Variants in VWDE observed in about 807,000 individuals in gnomAD.
VWDE encodes von Willebrand factor D and EGF domains.
Under a neutral mutation model 178.4 loss-of-function variants are expected in VWDE, and 207 were observed. That is an observed-to-expected ratio of 1.16 (90% confidence interval 1.04 to 1.30). The LOEUF (loss-of-function observed/expected upper bound fraction) is 1.30, where lower values mean the gene tolerates loss of function less well. Ranked by LOEUF, VWDE falls within the 50% of genes most tolerant of loss-of-function variation. VWDE has a pLI of 0.00. For missense variants in VWDE, 2,287 were observed against 1,901.3 expected, an observed-to-expected ratio of 1.20 and a Z score of -3.77; for synonymous variants, 738 against 651.4, an observed-to-expected ratio of 1.13 and a Z score of -2.02.
At chr7:12,373,946 G>A (rs1258413377) in intron 9 of VWDE, among the ~76,000 whole-genome samples, 1 of 152,064 alleles carries the variant, frequency 6.6e-6, no homozygotes, top group Admixed American at 6.6e-5. Flanking sequence ...CACCATTGGA[G>A]TATAACTCTC....
At chr7:12,380,198 G>A (rs974306922) in intron 5 of VWDE, among the ~76,000 whole-genome samples, 1 of 151,196 alleles carries the variant, frequency 6.6e-6, no homozygotes, top group Non-Finnish European at 1.5e-5. Context: ...AAACCTGAGA[G>A]GGACATATAT....
intron 10 of VWDE, among the ~76,000 whole-genome samples, chr7:12,372,563 A>G (rs1783265603): frequency 6.6e-6 from 1 of 152,062 alleles, no homozygotes; most frequent in Non-Finnish European, 1.5e-5. Flanking sequence ...AATATTAGTG[A>G]ATATATAATC....
chr7:12,382,388 T>A (rs1268748887), intron 4 of VWDE, among the ~76,000 whole-genome samples: 4 of 151,766 alleles, frequency 2.6e-5, no homozygotes, highest in African/African-American at 9.7e-5. Context: ...TGAACTTAAA[T>A]CACAGGGCTT....
intron 19 of VWDE, among the ~76,000 whole-genome samples, chr7:12,346,751 G>A (rs891485754): frequency 1.3e-5 from 2 of 151,900 alleles, no homozygotes; most frequent in South Asian, 2.1e-4. Flanking sequence ...GATTAGATAC[G>A]TTTTTCTTGT....
chr7:12,393,367 T>TGGG (rs1784476232), intron 2 of VWDE, among the ~76,000 whole-genome samples: 1 of 152,196 alleles, frequency 6.6e-6, no homozygotes, highest in African/African-American at 2.4e-5. Context: ...TGTAAACTTT[T>TGGG]ATACAAGATA....
At chr7:12,399,207 A>G (rs992647043) in intron 1 of VWDE, among the ~76,000 whole-genome samples, 110 of 152,180 alleles carry the variant, frequency 7.2e-4, no homozygotes, top group African/African-American at 2.6e-3. Flanking sequence ...TCTGCACACA[A>G]TTAGATTGAA....
chr7:12,337,044 A>G lies in VWDE; in HGVS notation c.4502T>C (p.Val1501Ala). Residue 1501 changes from valine (V) to alanine (A), a missense_variant, in exon 26 of 29, where the codon GTG becomes GCG. Physicochemically the swap from Val to Ala is moderately conservative, Grantham distance 64. Coordinates refer to ENST00000275358, the MANE Select transcript of VWDE (RefSeq NM_001135924.3). ...AGGACAAGAGCAAGTGCTTGGTCCC[A>G]CACATTTTCCTCCATTCATGCACGT... ...DPTCMNGGKC[V>A]GPSTCSCPSG... The G allele has an allele frequency of 6.4e-7, 1 of 1,551,584 alleles. No individual in the cohort carries two copies. Among genetic ancestry groups the G allele is most frequent in the Non-Finnish European group, 8.7e-7 (1 of 1,146,904 alleles).
At position 12,403,742 on chromosome 7, in the gene VWDE, G is replaced by C. The variant is rs748362253; in HGVS notation, c.-26C>G. 5.2e-6 allele frequency: 8 copies of C among 1,549,896 alleles called. No homozygotes were observed. The highest frequency in any genetic ancestry group is 1.7e-4 in the Middle Eastern group (1 of 5,996). ...CGCTGCTTCCGCAGGTGGGGCGAAA[G>C]GCGTCGCAGAGCCCGGGCCGCGGGT... On this transcript the variant is annotated 5_prime_UTR_variant, in exon 1 of 29. Coordinates refer to ENST00000275358, the MANE Select transcript of VWDE (RefSeq NM_001135924.3).
At position 12,370,346 on chromosome 7, in the gene VWDE, T is replaced by C; in HGVS notation, c.1960A>G (p.Asn654Asp). 2 of 1,551,244 alleles carry C rather than the reference T, an allele frequency of 1.3e-6. No individual in the cohort carries two copies. The highest frequency in any genetic ancestry group is 2.4e-5 in the East Asian group (1 of 40,902). ...ATCAAAGAAGATAAGCTGACATGAT[T>C]GAGGTCTTTGCAACCCAAGGCAATT... ...SEIALGCKDL[N>D]HVSLSSLIPE... The change falls in exon 12 of 29, where the codon AAT (asparagine) becomes GAT (aspartate). Residue 654 changes from asparagine to aspartate, a missense_variant. Coordinates refer to ENST00000275358, the MANE Select transcript of VWDE (RefSeq NM_001135924.3).
intron 19 of VWDE, among the ~76,000 whole-genome samples, chr7:12,350,838 G>A (rs62451487): frequency 0.11 from 17,249 of 151,996 alleles, 1,338 homozygotes; most frequent in Non-Finnish European, 0.16. Flanking sequence ...GCCTAGTGCC[G>A]GCACATTATA....
At chr7:12,337,314 C>G in intron 24 of VWDE, 42 bp from the exon 25 acceptor site, 4 of 1,450,082 alleles carry the variant, frequency 2.8e-6, no homozygotes, top group Non-Finnish European at 3.8e-6. Context: ...ATTACACATC[C>G]CATTACTACA....
chr7:12,333,900 A>T (rs1780870509), intron 27 of VWDE, among the ~76,000 whole-genome samples: 1 of 152,164 alleles, frequency 6.6e-6, no homozygotes, highest in Non-Finnish European at 1.5e-5. Context: ...TTAACAGAAG[A>T]TAGCATCTAT....
In VWDE at chr7:12,353,013, C is replaced by T. The variant is rs114561537; in HGVS notation, c.3746-1300G>A. 3.3e-3 allele frequency among the ~76,000 whole-genome samples: 508 copies of T among 152,198 alleles called. 9 individuals carry two copies. Among genetic ancestry groups the T allele is most frequent in the African/African-American group, 0.012 (483 of 41,518 alleles). The stretch of plus-strand genomic sequence containing the variant: ...GCTTACATGGATATTCCATAGTAAC[C>T]CTAGTTTCTGTGCATCCAAACTGAA... On this transcript the variant is annotated intron_variant, in intron 18 of 28. Coordinates refer to ENST00000275358, the MANE Select transcript of VWDE (RefSeq NM_001135924.3).
At chr7:12,340,719 T>C (rs185865382) in intron 23 of VWDE, among the ~76,000 whole-genome samples, 76 of 152,324 alleles carry the variant, frequency 5.0e-4, no homozygotes, top group East Asian at 1.2e-3. Context: ...ATCAAGAATG[T>C]AGAGGCTATG....
At chr7:12,391,572 C>T (rs555316240) in intron 2 of VWDE, among the ~76,000 whole-genome samples, 1 of 152,254 alleles carries the variant, frequency 6.6e-6, no homozygotes, top group African/African-American at 2.4e-5. Flanking sequence ...GAAGTTCCTC[C>T]AATTTTCTCA....
chr7:12,388,162 T>G (rs1362245912), intron 3 of VWDE, among the ~76,000 whole-genome samples: 1 of 152,200 alleles, frequency 6.6e-6, no homozygotes, highest in African/African-American at 2.4e-5. Context: ...AACAGTACTA[T>G]TCAGGTATTT....
chr7:12,332,079 G>A (rs577925993), intron 28 of VWDE, among the ~76,000 whole-genome samples: 2 of 151,968 alleles, frequency 1.3e-5, no homozygotes, highest in Non-Finnish European at 2.9e-5. Flanking sequence ...GGATGGAGTT[G>A]GAGAAGGTTC....
In VWDE at chr7:12,370,112, T is replaced by C; in HGVS notation, c.2194A>G (p.Thr732Ala). ...SLQYLANKKY[T>A]QGRGSHSQEM... ...TGGCTGTGGCTTCCCCGGCCTTGTG[T>C]ATATTTCTTATTGGCCAAATATTGT... The change falls in exon 12 of 29, where the codon ACA becomes GCA. Residue 732 changes from threonine (T) to alanine (A), a missense_variant. Thr to Ala is a moderately conservative substitution (Grantham distance 58, BLOSUM62 0). Coordinates refer to ENST00000275358, the MANE Select transcript of VWDE (RefSeq NM_001135924.3). 6.4e-7 allele frequency: 1 copy of C among 1,551,600 alleles called. No individual in the cohort carries two copies. Among genetic ancestry groups the C allele is most frequent in the Non-Finnish European group, 8.7e-7 (1 of 1,146,912 alleles).
chr7:12,336,281 C>G (rs1332970438), intron 26 of VWDE, 45 bp from the exon 27 acceptor site: 2 of 1,481,094 alleles, frequency 1.4e-6, no homozygotes, highest in African/African-American at 1.4e-5. Context: ...AATTACTAGT[C>G]AAATCCTATC....
Sources: gnomAD v4.1 joint callset for allele counts (sites outside exome capture counted in the v4.1 genomes callset) on GRCh38, gnomAD v4.1.1 for gene constraint, MANE v1.5 for transcripts, NCBI Gene and HGNC (gene_info 2026-07-23, HGNC 2026-07-21) for gene names.